The following PITPNM2 variants were observed in gnomAD, a reference collection of about 807,000 sequenced individuals.
PITPNM2 encodes membrane-associated phosphatidylinositol transfer protein 2.
Under a neutral mutation model 132.2 loss-of-function variants are expected in PITPNM2, and 35 were observed. The observed-to-expected ratio is 0.26, with a 90% CI of 0.20 to 0.35. The LOEUF (loss-of-function observed/expected upper bound fraction) is 0.35. Ranked by LOEUF, PITPNM2 falls within the 10% of genes least tolerant of loss-of-function variation. The pLI is 1.00. For synonymous variants in PITPNM2, 738 were observed against 799.2 expected (o/e 0.92, Z 1.29); for missense variants, 1,332 against 1,912.0 (o/e 0.70, Z 5.66).
At chr12:123,131,554 T>G (rs1411008388) in intron 1 of PITPNM2, among the ~76,000 whole-genome samples, 1 of 152,194 alleles carries the variant, frequency 6.6e-6, no homozygotes, top group African/African-American at 2.4e-5. Context: ...GATATGGTAG[T>G]GCACAAGCCC....
chr12:123,021,029 C>CAAAAAAAAAAA, intron 3 of PITPNM2, among the ~76,000 whole-genome samples: 1 of 25,268 alleles, frequency 4.0e-5, no homozygotes, highest in Non-Finnish European at 9.7e-5. Context: ...AATTCCATCT[C>CAAAAAAAAAAA]AAAAAAAAAA....
chr12:123,122,761 AAC>A (rs1267132655), intron 1 of PITPNM2, among the ~76,000 whole-genome samples: 3 of 152,218 alleles, frequency 2.0e-5, no homozygotes, highest in African/African-American at 4.8e-5. Flanking sequence ...AATGGGAATG[AAC>A]AGTCTTAACT....
At chr12:123,055,846 C>A (rs923612239) in intron 2 of PITPNM2, among the ~76,000 whole-genome samples, 36 of 152,012 alleles carry the variant, frequency 2.4e-4, no homozygotes, top group African/African-American at 8.5e-4. Context: ...CCCCACAAGC[C>A]CCCTCCATAA....
chr12:123,119,257 C>G (rs1477076504), intron 1 of PITPNM2, among the ~76,000 whole-genome samples: 2 of 152,176 alleles, frequency 1.3e-5, no homozygotes, highest in South Asian at 2.1e-4. Context: ...GTGTTTGAAG[C>G]AGCTTCTGCC....
intron 2 of PITPNM2, among the ~76,000 whole-genome samples, chr12:123,066,262 G>A (rs1184829769): frequency 4.6e-5 from 7 of 152,266 alleles, no homozygotes; most frequent in African/African-American, 1.4e-4. Context: ...TGTCAAGATC[G>A]AGCAAGGGGA....
At position 123,097,443 on chromosome 12, in the gene PITPNM2, C is replaced by G. The variant is rs1011177929; in HGVS notation, c.-96+12942G>C. ...CCTCAAGAGGCCAGCACCTCCTTTC[C>G]TCTCCTTGGCAGACCCTCCCTCGCT... On this transcript the variant is annotated intron_variant, in intron 2 of 25. Coordinates refer to ENST00000320201, the MANE Select transcript of PITPNM2 (RefSeq NM_020845.3). This position sits in a 1 kb window ranked among gnomAD's most constrained non-coding sequence, Gnocchi z 4.7. 6.6e-5 allele frequency among the ~76,000 whole-genome samples: 10 copies of G among 152,294 alleles called. No homozygotes were observed. The South Asian group carries it at 1.7e-3, about 25-fold the overall frequency.
chr12:123,139,156 T>A (rs889937495), intron 1 of PITPNM2, among the ~76,000 whole-genome samples: 9 of 151,804 alleles, frequency 5.9e-5, no homozygotes, highest in South Asian at 2.1e-4. Flanking sequence ...AAATAAATAA[T>A]TAAAATGGTT....
At chr12:122,995,346 TCCCACA>T in intron 14 of PITPNM2, 37 bp downstream of exon 14, 1 of 1,544,350 alleles carries the variant, frequency 6.5e-7, no homozygotes, top group Non-Finnish European at 8.7e-7. Context: ...TGGAGCCTCT[TCCCACA>T]CCCAGAGGCA....
At position 123,064,104 on chromosome 12, in the gene PITPNM2, A is replaced by C. The variant is rs2041335703; in HGVS notation, c.-95-29419T>G. On this transcript the variant is annotated intron_variant, in intron 2 of 25. Coordinates refer to ENST00000320201, the MANE Select transcript of PITPNM2 (RefSeq NM_020845.3). This position sits in a 1 kb window ranked among gnomAD's most constrained non-coding sequence, Gnocchi z 4.0. ...CACTCAAAACAGTCAGGACTAGGGG[A>C]AACAAATCATTGATATCATTTTGTC... Among the ~76,000 whole-genome samples, 1 of 152,218 alleles carries C rather than the reference A, an allele frequency of 6.6e-6. No individual in the cohort carries two copies.
chr12:122,999,591 G>C (rs905590614), intron 10 of PITPNM2, among the ~76,000 whole-genome samples: 2 of 152,076 alleles, frequency 1.3e-5, no homozygotes, highest in Admixed American at 6.5e-5. Flanking sequence ...GTCTGACTGG[G>C]CTCAGCCCTG....
chr12:123,060,932 C>T (rs1304188928), intron 2 of PITPNM2, among the ~76,000 whole-genome samples: 1 of 152,190 alleles, frequency 6.6e-6, no homozygotes, highest in Non-Finnish European at 1.5e-5. Context: ...ATCTACTCAT[C>T]CTTCCACCTA....
At chr12:123,137,824 T>TG (rs1034182052) in intron 1 of PITPNM2, among the ~76,000 whole-genome samples, 2 of 145,264 alleles carry the variant, frequency 1.4e-5, no homozygotes, top group African/African-American at 5.1e-5. Context: ...ACCCGGGAGA[T>TG]GGAGGCTGCA....
chr12:123,118,754 C>A (rs911662284), intron 1 of PITPNM2, among the ~76,000 whole-genome samples: 1 of 152,212 alleles, frequency 6.6e-6, no homozygotes. Flanking sequence ...TGGCTCTTAA[C>A]GGAGAGCTCC....
intron 1 of PITPNM2, among the ~76,000 whole-genome samples, chr12:123,137,720 C>G (rs1446258969): frequency 6.6e-6 from 1 of 151,930 alleles, no homozygotes; most frequent in Non-Finnish European, 1.5e-5. Flanking sequence ...AAGTGAAACC[C>G]CATCTCTACT....
At chr12:123,085,489 G>A (rs947400843) in intron 2 of PITPNM2, among the ~76,000 whole-genome samples, 14 of 152,236 alleles carry the variant, frequency 9.2e-5, no homozygotes, top group African/African-American at 2.2e-4. Flanking sequence ...CAAAGAGTAC[G>A]GCAGAGGCTA....
intron 23 of PITPNM2, 121 bp from the exon 24 acceptor site, chr12:122,986,950 AACG>A (rs1178231139): frequency 1.6e-6 from 2 of 1,268,344 alleles, no homozygotes; most frequent in Admixed American, 5.1e-5. Flanking sequence ...CTCAGACAGT[AACG>A]ACGACAATGG....
Position 123,005,372 on chromosome 12 carries a change from C to A in PITPNM2, c.820G>T (p.Glu274Ter). ...CCAGAGGTCTGGTCCGAGACGGCTT[C>A]GTGCTTGACGAGCTCAGTGGCCTCC... ...GEEATELVKH[E>*]AVSDQTSGEP... The change falls in exon 7 of 26, where the codon GAA (glutamate) becomes TAA (stop). Residue 274 changes from glutamate to a stop codon, truncating the protein, a stop_gained. Coordinates refer to ENST00000320201, the MANE Select transcript of PITPNM2 (RefSeq NM_020845.3). LOFTEE classifies it high-confidence loss of function. The surrounding 1 kb of genome is among the most constrained non-coding windows in gnomAD (Gnocchi z 6.2). The A allele has an allele frequency of 6.2e-7, 1 of 1,614,178 alleles. No individual in the cohort carries two copies. Among genetic ancestry groups the A allele is most frequent in the Admixed American group, 1.7e-5 (1 of 60,032 alleles).
At chr12:123,100,849 G>A (rs1010948324) in intron 2 of PITPNM2, among the ~76,000 whole-genome samples, 8 of 152,128 alleles carry the variant, frequency 5.3e-5, no homozygotes, top group Non-Finnish European at 1.0e-4. Context: ...AGTATCTAAC[G>A]CCACCCCTTC....
At chr12:123,025,431 A>ATTT (rs539043052) in intron 3 of PITPNM2, among the ~76,000 whole-genome samples, 1 of 136,104 alleles carries the variant, frequency 7.3e-6, no homozygotes. Flanking sequence ...TGTGGACCAG[A>ATTT]TTTTTTTTTT....
Sources: gnomAD v4.1 joint callset for allele counts (sites outside exome capture counted in the v4.1 genomes callset) on GRCh38, gnomAD v4.1.1 for gene constraint, Gnocchi (gnomAD v3.1) non-coding constraint, MANE v1.5 for transcripts, NCBI Gene and HGNC (gene_info 2026-07-23, HGNC 2026-07-21) for gene names.